Variants in USP30 observed in about 807,000 individuals in gnomAD.
USP30 encodes ubiquitin specific peptidase 30.
In USP30, 41 loss-of-function variants were observed where a neutral mutation model predicts 68.2. That is an observed-to-expected ratio of 0.60 (90% confidence interval 0.47 to 0.78). The LOEUF (loss-of-function observed/expected upper bound fraction) is 0.78. Among genes scored for constraint, USP30 ranks in the 30% least tolerant of loss-of-function variants. The pLI is 0.00. For missense variants in USP30, 522 were observed against 649.4 expected (o/e 0.80, Z 2.13); for synonymous variants, 229 against 253.7 (o/e 0.90, Z 0.93).
At chr12:109,060,441 CAG>C (rs764530993) in intron 3 of USP30, among the ~76,000 whole-genome samples, 2 of 152,120 alleles carry the variant, frequency 1.3e-5, no homozygotes, top group African/African-American at 2.4e-5. Context: ...CTGCTTGACA[CAG>C]AAATCTTTAT....
intron 1 of USP30, among the ~76,000 whole-genome samples, chr12:109,054,466 A>C (rs1032151928): frequency 6.6e-6 from 1 of 151,948 alleles, no homozygotes; most frequent in Non-Finnish European, 1.5e-5. Context: ...GATTGTGTTG[A>C]GCTGAGATGG....
At chr12:109,037,061 A>G (rs1440648319) in intron 3 of USP30, among the ~76,000 whole-genome samples, 2 of 151,992 alleles carry the variant, frequency 1.3e-5, no homozygotes, top group Non-Finnish European at 2.9e-5. Context: ...ATTATGCCTA[A>G]ATTGGTATGC....
At chr12:109,084,764 A>G (rs532967051) in intron 11 of USP30, among the ~76,000 whole-genome samples, 189 bp from the exon 12 acceptor site, 1 of 152,372 alleles carries the variant, frequency 6.6e-6, no homozygotes, top group South Asian at 2.1e-4. Context: ...ATTTGGGATT[A>G]AGACAGATTA....
chr12:109,042,455 G>T (rs1236415397), intron 3 of USP30, among the ~76,000 whole-genome samples: 1 of 151,962 alleles, frequency 6.6e-6, no homozygotes, highest in African/African-American at 2.4e-5. Flanking sequence ...ATAGCATTTT[G>T]CCCATTTTTC....
In USP30 at chr12:109,025,819, C is replaced by T. The variant is rs1566073256; in HGVS notation, c.-228+747C>T. Among the ~76,000 whole-genome samples the T allele has an allele frequency of 5.3e-5, 8 of 151,964 alleles. No homozygotes were observed. The South Asian group carries it at 1.7e-3, about 31-fold the overall frequency. On this transcript the variant is annotated intron_variant, in intron 2 of 15. Transcript: ENST00000392784. Reference sequence around the variant, plus strand: ...TCTCCCACCTCAGCCTCCCGAGTAGCTAGGACTACAAGTGTGCACCACCAC... The same window carrying T: ...TCTCCCACCTCAGCCTCCCGAGTAGTTAGGACTACAAGTGTGCACCACCAC...
At chr12:109,023,694 C>T (rs1004548519) in intron 1 of USP30, among the ~76,000 whole-genome samples, 72 of 124,566 alleles carry the variant, frequency 5.8e-4, no homozygotes, top group African/African-American at 1.9e-3. Context: ...AGTGCAATGG[C>T]GCAATCTCGG....
chr12:109,056,728 G>T lies in USP30; in HGVS notation c.130G>T (p.Ala44Ser). 1.2e-6 allele frequency: 2 copies of T among 1,612,882 alleles called. No individual in the cohort carries two copies. Among genetic ancestry groups the T allele is most frequent in the African/African-American group, 1.3e-5 (1 of 74,980 alleles). ...NWGVIGGIAA[A>S]LAAGIYVIWG... The stretch of plus-strand genomic sequence containing the variant: ...GGGAGTTATAGGTGGAATTGCTGCT[G>T]CTCTTGCAGCAGGAATATATGTTAT... The change falls in exon 2 of 13, where the codon GCT becomes TCT. Residue 44 changes from alanine (A) to serine (S), a missense_variant. Physicochemically the swap from Ala to Ser is moderately conservative, Grantham distance 99 (BLOSUM62 1). Transcript: ENST00000257548.
intron 5 of USP30, among the ~76,000 whole-genome samples, chr12:109,071,926 T>C (rs1294011351): frequency 6.6e-6 from 1 of 152,158 alleles, no homozygotes; most frequent in Non-Finnish European, 1.5e-5. Context: ...ATTGCTGCAA[T>C]TTGTGTTGGC....
Position 109,058,063 on chromosome 12 carries a change from C to T in USP30, c.331C>T (p.Pro111Ser). Residue 111 changes from proline (P) to serine (S), a missense_variant, in exon 3 of 13, where the codon CCC (proline) becomes TCC (serine). Pro to Ser is a moderately conservative substitution (Grantham distance 74). Coordinates refer to ENST00000257548, the MANE Select transcript of USP30 (RefSeq NM_032663.5). ...SQYSRDQKEPPSHQYLSLTLL... is the reference protein window; with the variant it reads ...SQYSRDQKEPSSHQYLSLTLL... ...GTACTCCAGGGATCAGAAGGAGCCC[C>T]CCTCACACCAGTATTTATCCTTAAC... 6.2e-7 allele frequency: 1 copy of T among 1,614,020 alleles called. No individual in the cohort carries two copies.
At chr12:109,053,069 A>T (rs2040721797) in intron 1 of USP30, 1 of 273,298 alleles carries the variant, frequency 3.7e-6, no homozygotes, top group African/African-American at 2.2e-5. Flanking sequence ...CAGTGCCCTC[A>T]GTCCTTTCAG....
intron 12 of USP30, 137 bp downstream of exon 12, chr12:109,085,210 T>A (rs1167366638): frequency 9.5e-7 from 1 of 1,048,214 alleles, no homozygotes; most frequent in Non-Finnish European, 1.3e-6. Flanking sequence ...GATTACACAT[T>A]CCTATTTATT....
intron 7 of USP30, among the ~76,000 whole-genome samples, chr12:109,080,194 T>C (rs2041753960): frequency 6.6e-6 from 1 of 152,110 alleles, no homozygotes; most frequent in Non-Finnish European, 1.5e-5. Context: ...CCCCTCTGTG[T>C]CTCCTTTCTT....
At chr12:109,043,756 G>A (rs530186431) in intron 3 of USP30, among the ~76,000 whole-genome samples, 30 of 152,226 alleles carry the variant, frequency 2.0e-4, no homozygotes, top group African/African-American at 4.6e-4. Flanking sequence ...AAACTTTTGC[G>A]CATCAAAAGA....
intron 7 of USP30, among the ~76,000 whole-genome samples, chr12:109,078,531 A>G (rs183401414): frequency 5.3e-5 from 8 of 151,194 alleles, no homozygotes; most frequent in African/African-American, 1.9e-4. Flanking sequence ...CCTGGGAGGC[A>G]GAGGTTGCAG....
chr12:109,041,782 C>G (rs1042839445), intron 3 of USP30, among the ~76,000 whole-genome samples: 3 of 151,816 alleles, frequency 2.0e-5, no homozygotes, highest in Non-Finnish European at 4.4e-5. Flanking sequence ...TTTGGAAGGT[C>G]GAACTGTGAG....
At chr12:109,024,533 C>T (rs947247075) in intron 1 of USP30, among the ~76,000 whole-genome samples, 1 of 152,152 alleles carries the variant, frequency 6.6e-6, no homozygotes, top group African/African-American at 2.4e-5. Flanking sequence ...GCTGGGATTG[C>T]AGGCTTGAGC....
At chr12:109,025,753 C>A (rs1302653454) in intron 2 of USP30, among the ~76,000 whole-genome samples, 2 of 151,900 alleles carry the variant, frequency 1.3e-5, no homozygotes, top group Non-Finnish European at 2.9e-5. Context: ...CTCACTGCAG[C>A]CTGGACAGTA....
intron 3 of USP30, among the ~76,000 whole-genome samples, chr12:109,058,778 T>A (rs1302115642): frequency 6.6e-6 from 1 of 152,172 alleles, no homozygotes; most frequent in Non-Finnish European, 1.5e-5. Flanking sequence ...TACAAATTGC[T>A]AACAAACTCA....
chr12:109,052,830 C>T lies in USP30; in HGVS notation c.83+69C>T, dbSNP rs1383543850. 25 of 1,364,952 alleles carry T rather than the reference C, an allele frequency of 1.8e-5. No homozygotes were observed. In the Admixed American group the frequency reaches 6.5e-4, roughly 35 times the overall value. The allele number at this position is 1,364,952 out of a possible 1,614,324, so 84.6% of individuals were successfully genotyped here. On this transcript the variant is annotated intron_variant, in intron 1 of 12. Coordinates refer to ENST00000257548, the MANE Select transcript of USP30 (RefSeq NM_032663.5). ...GGTCCCCAGCTTGGGCCCGTGACGG[C>T]TTTTTCATGCCCTAGTTGGGGTCTC...
Sources: allele counts gnomAD v4.1 joint callset (sites outside exome capture counted in the v4.1 genomes callset), GRCh38; gene constraint gnomAD v4.1.1; transcripts MANE v1.5; gene names NCBI Gene and HGNC (gene_info 2026-07-23, HGNC 2026-07-21).